Variants in PCDH9 observed in about 807,000 individuals in gnomAD.
PCDH9 encodes the protein protocadherin 9, also known as protocadherin-9.
In PCDH9, 24 loss-of-function variants were observed where a neutral mutation model predicts 70.6. The observed-to-expected ratio is 0.34, with a 90% confidence interval of 0.25 to 0.48. The LOEUF (loss-of-function observed/expected upper bound fraction) is 0.48, where lower values mean the gene tolerates loss of function less well. Ranked by LOEUF, PCDH9 falls within the 20% of genes least tolerant of loss-of-function variation. The pLI is 0.99. For missense variants in PCDH9, 1,281 were observed against 1,503.6 expected (o/e 0.85, Z 2.45); for synonymous variants, 562 against 558.5 (o/e 1.01, Z -0.09).
intron 4 of PCDH9, among the ~76,000 whole-genome samples, chr13:66,342,926 G>C (rs1264319321): frequency 6.6e-6 from 1 of 151,746 alleles, no homozygotes; most frequent in African/African-American, 2.4e-5. Context: ...GATTACAGGC[G>C]TAAGCCACCG....
At chr13:66,928,218 G>A (rs530712464) in intron 2 of PCDH9, among the ~76,000 whole-genome samples, 1 of 152,112 alleles carries the variant, frequency 6.6e-6, no homozygotes, top group Non-Finnish European at 1.5e-5. Flanking sequence ...TGTAAAATAT[G>A]AAAGAGAAAT....
intron 4 of PCDH9, among the ~76,000 whole-genome samples, chr13:66,452,776 C>A (rs1252616130): frequency 1.3e-5 from 2 of 152,178 alleles, no homozygotes; most frequent in Non-Finnish European, 2.9e-5. Flanking sequence ...AAGCTCTATA[C>A]ATTCGTCTTG....
At chr13:66,432,423 A>G (rs1158960637) in intron 4 of PCDH9, among the ~76,000 whole-genome samples, 1 of 152,152 alleles carries the variant, frequency 6.6e-6, no homozygotes, top group African/African-American at 2.4e-5. Flanking sequence ...GACTTCTATC[A>G]TAACTATGAC....
intron 2 of PCDH9, among the ~76,000 whole-genome samples, chr13:67,184,646 G>T (rs142924900): frequency 1.3e-5 from 2 of 152,100 alleles, no homozygotes; most frequent in East Asian, 1.9e-4. Context: ...CAGGAGGATC[G>T]CTTGAACCCA....
intron 2 of PCDH9, among the ~76,000 whole-genome samples, chr13:66,916,770 C>T (rs916950466): frequency 6.6e-6 from 1 of 151,452 alleles, no homozygotes. Flanking sequence ...ATATTATTTC[C>T]ATTCCTATTC....
In PCDH9 at chr13:66,576,775, A is replaced by G. The variant is rs992604566; in HGVS notation, c.3340+54435T>C. 2.0e-5 allele frequency among the ~76,000 whole-genome samples: 3 copies of G among 152,250 alleles called. No homozygotes were observed. The East Asian group carries it at 5.8e-4, about 29-fold the overall frequency. ...GTGCAATGAAATCCTGGGAGAAAAG[A>G]AGCTATAAAAAACTAGATGCAATAC... On this transcript the variant is annotated intron_variant, in intron 4 of 4. Transcript: ENST00000377865.
At chr13:66,596,971 G>A (rs1283751870) in intron 4 of PCDH9, among the ~76,000 whole-genome samples, 1 of 151,062 alleles carries the variant, frequency 6.6e-6, no homozygotes, top group South Asian at 2.1e-4. Flanking sequence ...ATAGCGTTAG[G>A]TAGGGGTCAT....
intron 2 of PCDH9, among the ~76,000 whole-genome samples, chr13:66,980,115 T>G (rs1438465222): frequency 2.6e-5 from 4 of 151,838 alleles, no homozygotes; most frequent in Non-Finnish European, 5.9e-5. Context: ...TATCTATCTA[T>G]CTATCTATCT....
At chr13:66,681,221 T>C (rs1480690948) in intron 3 of PCDH9, among the ~76,000 whole-genome samples, 1 of 152,122 alleles carries the variant, frequency 6.6e-6, no homozygotes, top group Non-Finnish European at 1.5e-5. Flanking sequence ...ATTTCTTTCC[T>C]TTACTCCCAT....
At chr13:67,138,455 A>G (rs1266826136) in intron 2 of PCDH9, among the ~76,000 whole-genome samples, 34 of 152,194 alleles carry the variant, frequency 2.2e-4, no homozygotes, top group Admixed American at 2.2e-3. Flanking sequence ...GAAGGAAAAT[A>G]GGGTCTGGAG....
chr13:66,693,723 T>C (rs2078519946), intron 3 of PCDH9, among the ~76,000 whole-genome samples: 1 of 152,210 alleles, frequency 6.6e-6, no homozygotes, highest in Non-Finnish European at 1.5e-5. Context: ...AATAGAAGCA[T>C]GCAATGATAC....
At chr13:66,934,813 C>T (rs2082885970) in intron 2 of PCDH9, among the ~76,000 whole-genome samples, 2 of 127,802 alleles carry the variant, frequency 1.6e-5, no homozygotes, top group South Asian at 2.7e-4. Context: ...CTCCGCCTCC[C>T]GGGTTCACGC....
rs140566080 is a variant in PCDH9, at chr13:67,087,749, A to C, written c.3036+137656T>G. Reference sequence around the variant, plus strand: ...CATAAGCATTATAGACATTTTCATCAGTGATGCCAAGAGAACTGGGAATAT... The same window carrying C: ...CATAAGCATTATAGACATTTTCATCCGTGATGCCAAGAGAACTGGGAATAT... On this transcript the variant is annotated intron_variant, in intron 2 of 4. Transcript: ENST00000377865. 2.9e-3 allele frequency among the ~76,000 whole-genome samples: 441 copies of C among 152,192 alleles called. 1 individual carries two copies. The highest frequency in any genetic ancestry group is 5.9e-3 in the Non-Finnish European group (401 of 67,990).
chr13:66,640,181 G>A (rs1028635258), intron 3 of PCDH9, among the ~76,000 whole-genome samples: 2 of 151,926 alleles, frequency 1.3e-5, no homozygotes, highest in African/African-American at 4.8e-5. Context: ...TACAACATAC[G>A]GTTTTAGAAA....
At chr13:66,943,436 G>A (rs2083038143) in intron 2 of PCDH9, among the ~76,000 whole-genome samples, 2 of 151,984 alleles carry the variant, frequency 1.3e-5, no homozygotes, top group African/African-American at 4.8e-5. Flanking sequence ...GGAAATCATA[G>A]AGTACTGACA....
intron 4 of PCDH9, among the ~76,000 whole-genome samples, chr13:66,508,649 C>T (rs1959301283): frequency 6.6e-6 from 1 of 151,864 alleles, no homozygotes; most frequent in Non-Finnish European, 1.5e-5. Context: ...ATCTTAGTAC[C>T]TCAGGGATAT....
intron 2 of PCDH9, among the ~76,000 whole-genome samples, chr13:67,161,262 C>G (rs1366318254): frequency 6.6e-6 from 1 of 152,118 alleles, no homozygotes; most frequent in Non-Finnish European, 1.5e-5. Context: ...TGCAAACAGA[C>G]AAACCTCCCA....
intron 3 of PCDH9, among the ~76,000 whole-genome samples, chr13:66,727,420 A>G (rs988401451): frequency 2.0e-5 from 3 of 152,172 alleles, no homozygotes; most frequent in Non-Finnish European, 4.4e-5. Flanking sequence ...TTCATTGCCT[A>G]TCTTTCCTTC....
chr13:66,677,519 T>A (rs1319171165), intron 3 of PCDH9, among the ~76,000 whole-genome samples: 1 of 152,106 alleles, frequency 6.6e-6, no homozygotes, highest in Admixed American at 6.6e-5. Context: ...GGTGTTTAGA[T>A]CATGGGAAAG....
Sources: gnomAD v4.1 joint callset for allele counts (sites outside exome capture counted in the v4.1 genomes callset) on GRCh38, gnomAD v4.1.1 for gene constraint, MANE v1.5 for transcripts, NCBI Gene and HGNC (gene_info 2026-07-23, HGNC 2026-07-21) for gene names.